KCNH7: variants seen among roughly 807,000 people sequenced by gnomAD.
The protein encoded by KCNH7 is potassium voltage-gated channel subfamily H member 7, also known as voltage-gated inwardly rectifying potassium channel KCNH7.
KCNH7 carries 49 observed loss-of-function variants against 120.8 expected under a neutral mutation model. The ratio of observed to expected loss-of-function variants is 0.41; its 90% CI spans 0.32 to 0.51. KCNH7 has a LOEUF of 0.51. KCNH7 is among the 20% of genes least tolerant of loss of function. The pLI is 0.38. For missense variants in KCNH7, 1,097 were observed against 1,446.6 expected (o/e 0.76, Z 3.92); for synonymous variants, 547 against 516.1 (o/e 1.06, Z -0.81).
At chr2:162,677,114 C>A (rs1198820360) in intron 2 of KCNH7, among the ~76,000 whole-genome samples, 1 of 151,390 alleles carries the variant, frequency 6.6e-6, no homozygotes, top group Non-Finnish European at 1.5e-5. Context: ...GCAATCACAG[C>A]AAATCCATAG....
rs1311499094 is a variant in KCNH7 at position 162,711,149 on chromosome 2, T to C, written c.307+125388A>G. The stretch of plus-strand genomic sequence containing the variant: ...ACCACAAGGCCAGGGGCCAGAGTTA[T>C]TAAGGGGAAATGTAGATTACATAAT... On this transcript the variant is annotated intron_variant, in intron 2 of 15. Transcript: ENST00000332142. Among the ~76,000 whole-genome samples the C allele has an allele frequency of 2.6e-5, 4 of 152,238 alleles. No homozygotes were observed. The East Asian group carries it at 7.7e-4, about 29-fold the overall frequency.
At chr2:162,681,603 G>A (rs1255408847) in intron 2 of KCNH7, among the ~76,000 whole-genome samples, 1 of 151,652 alleles carries the variant, frequency 6.6e-6, no homozygotes, top group Non-Finnish European at 1.5e-5. Context: ...TACTGTTCGT[G>A]TTGGATGAAT....
chr2:162,631,667 T>A (rs1683772274), intron 2 of KCNH7, among the ~76,000 whole-genome samples: 8 of 151,944 alleles, frequency 5.3e-5, no homozygotes, highest in Admixed American at 4.6e-4. Flanking sequence ...TCAAAAAGTA[T>A]CTGAAACATC....
At chr2:162,651,965 CT>C (rs1458274376) in intron 2 of KCNH7, among the ~76,000 whole-genome samples, 1 of 152,086 alleles carries the variant, frequency 6.6e-6, no homozygotes, top group Non-Finnish European at 1.5e-5. Flanking sequence ...TGATATTGAG[CT>C]TTTTTTCATA....
chr2:162,384,877 T>C lies in KCNH7; in HGVS notation c.2773A>G (p.Arg925Gly). ...DTIRHYQSSK[R>G]HFEEKKSRSS... ...CTGCTTTTTTTCTCTTCAAAGTGTC[T>C]CTTGGAACTCTGATAATGTCTTATG... Residue 925 changes from arginine to glycine, a missense_variant, in exon 13 of 16, where the codon AGA becomes GGA. Coordinates refer to ENST00000332142, the MANE Select transcript of KCNH7 (RefSeq NM_033272.4). 6.2e-7 allele frequency: 1 copy of C among 1,612,184 alleles called. No individual in the cohort carries two copies. Among genetic ancestry groups the C allele is most frequent in the Non-Finnish European group, 8.5e-7 (1 of 1,178,576 alleles).
intron 6 of KCNH7, among the ~76,000 whole-genome samples, chr2:162,455,269 G>A (rs543061693): frequency 4.1e-4 from 63 of 152,140 alleles, no homozygotes; most frequent in South Asian, 8.3e-4. Flanking sequence ...CCAGCCTTGC[G>A]TCCCAGGGAT....
intron 2 of KCNH7, among the ~76,000 whole-genome samples, chr2:162,752,888 A>C (rs181886173): frequency 2.9e-5 from 1 of 35,038 alleles, no homozygotes; most frequent in Non-Finnish European, 1.2e-4. Context: ...GCAAAAGAGC[A>C]AGACTACATC....
At chr2:162,597,192 G>A (rs887021806) in intron 2 of KCNH7, among the ~76,000 whole-genome samples, 7 of 152,042 alleles carry the variant, frequency 4.6e-5, no homozygotes, top group Admixed American at 3.9e-4. Flanking sequence ...CCACTTTTGG[G>A]TGATACATCC....
chr2:162,553,725 C>A (rs529911459), intron 2 of KCNH7, among the ~76,000 whole-genome samples: 1 of 152,152 alleles, frequency 6.6e-6, no homozygotes, highest in East Asian at 1.9e-4. Flanking sequence ...TAACTAGAAA[C>A]AAAAGGTTTG....
chr2:162,700,678 C>T (rs1001733699), intron 2 of KCNH7, among the ~76,000 whole-genome samples: 1 of 152,212 alleles, frequency 6.6e-6, no homozygotes, highest in African/African-American at 2.4e-5. Flanking sequence ...TTCTTTGAAG[C>T]TAACAGAATC....
intron 6 of KCNH7, 91 bp from the exon 7 acceptor site, chr2:162,446,534 TA>T: frequency 1.1e-6 from 1 of 877,556 alleles, no homozygotes; most frequent in Admixed American, 3.0e-5. Context: ...AATTATACAG[TA>T]AAATTTATTA....
At chr2:162,433,373 A>C (rs1181489863) in intron 8 of KCNH7, among the ~76,000 whole-genome samples, 1 of 152,164 alleles carries the variant, frequency 6.6e-6, no homozygotes, top group African/African-American at 2.4e-5. Flanking sequence ...ACCCGACTTC[A>C]AACTATACTA....
At chr2:162,537,316 C>T (rs1020431444) in intron 2 of KCNH7, among the ~76,000 whole-genome samples, 1 of 151,892 alleles carries the variant, frequency 6.6e-6, no homozygotes, top group Non-Finnish European at 1.5e-5. Flanking sequence ...TGTGGAAAAA[C>T]AGAAATATCA....
intron 13 of KCNH7, among the ~76,000 whole-genome samples, chr2:162,383,632 T>A (rs1372648945): frequency 6.6e-6 from 1 of 151,972 alleles, no homozygotes; most frequent in Non-Finnish European, 1.5e-5. Context: ...AATTTTGCTA[T>A]CCTACCAGGC....
intron 2 of KCNH7, among the ~76,000 whole-genome samples, chr2:162,765,237 C>T (rs993481429): frequency 1.3e-5 from 2 of 152,162 alleles, no homozygotes; most frequent in African/African-American, 4.8e-5. Flanking sequence ...AATTTCAAAA[C>T]TCCACTAATA....
At chr2:162,567,516 A>G (rs1248589778) in intron 2 of KCNH7, among the ~76,000 whole-genome samples, 1 of 152,006 alleles carries the variant, frequency 6.6e-6, no homozygotes, top group Admixed American at 6.6e-5. Context: ...CCCACAGTAA[A>G]AAAGCAAGTA....
chr2:162,819,318 G>A (rs1685020105), intron 2 of KCNH7, among the ~76,000 whole-genome samples: 1 of 151,820 alleles, frequency 6.6e-6, no homozygotes, highest in African/African-American at 2.4e-5. Flanking sequence ...AAAAATGAAG[G>A]GTCTGTAACT....
chr2:162,535,701 A>T (rs1235366623), intron 3 of KCNH7, among the ~76,000 whole-genome samples: 1 of 151,816 alleles, frequency 6.6e-6, no homozygotes, highest in African/African-American at 2.4e-5. Flanking sequence ...TCTAAAGTTC[A>T]CATGGAAAAT....
intron 2 of KCNH7, among the ~76,000 whole-genome samples, chr2:162,666,469 T>C (rs377265666): frequency 6.6e-6 from 1 of 152,102 alleles, no homozygotes; most frequent in African/African-American, 2.4e-5. Flanking sequence ...ATCTATGATT[T>C]TCTTCACTTC....
Sources: gnomAD v4.1 joint callset for allele counts (sites outside exome capture counted in the v4.1 genomes callset) on GRCh38, gnomAD v4.1.1 for gene constraint, MANE v1.5 for transcripts, NCBI Gene and HGNC (gene_info 2026-07-23, HGNC 2026-07-21) for gene names.